Variants in PPP1R27 observed in about 807,000 individuals in gnomAD.
The protein encoded by PPP1R27 is dysferlin interacting protein 1.
In PPP1R27, 10 loss-of-function variants were observed where a neutral mutation model predicts 12.0. The observed-to-expected ratio is 0.84, with a 90% CI of 0.52 to 1.42. The LOEUF (loss-of-function observed/expected upper bound fraction) is 1.42, where lower values mean the gene tolerates loss of function less well. Among genes scored for constraint, PPP1R27 ranks in the 40% most tolerant of loss-of-function variants. The pLI, the probability that PPP1R27 is intolerant of heterozygous loss-of-function variation, is 0.00. For synonymous variants in PPP1R27, 98 were observed against 89.3 expected (o/e 1.10, Z -0.55); for missense variants, 246 against 215.3 (o/e 1.14, Z -0.89).
chr17:81,833,914 C>T, intron 2 of PPP1R27, 62 bp from the exon 3 acceptor site: 1 of 1,558,688 alleles, frequency 6.4e-7, no homozygotes, highest in Non-Finnish European at 8.7e-7. Context: ...TCGCCCCAAC[C>T]CGGGTCAGAG....
Position 81,834,915 on chromosome 17 carries a change from T to C in PPP1R27, c.39A>G (p.Pro13=), listed in dbSNP as rs1052798862. ...SRTARYARYS[P]RQRRRRMLAD... Reference sequence around the variant, plus strand: ...CCAGCATCCGCCGCCGCCGCTGCCGTGGGCTGTAGCGGGCATAGCGGGCAG... The same window carrying C: ...CCAGCATCCGCCGCCGCCGCTGCCGCGGGCTGTAGCGGGCATAGCGGGCAG... Residue 13 remains proline (P), a synonymous_variant, in exon 1 of 3, where the codon CCA becomes CCG. Coordinates refer to ENST00000330261, the MANE Select transcript of PPP1R27 (RefSeq NM_001007533.4). 2.5e-6 allele frequency: 4 copies of C among 1,612,186 alleles called. No individual in the cohort carries two copies. The Admixed American group carries it at 6.7e-5, about 27-fold the overall frequency.
chr17:81,834,547 T>A lies in PPP1R27; in HGVS notation c.297A>T (p.Thr99=). The change falls in exon 2 of 3, where the codon ACA becomes ACT. Residue 99 remains threonine, a synonymous_variant. Coordinates refer to ENST00000330261, the MANE Select transcript of PPP1R27 (RefSeq NM_001007533.4). The part of the protein sequence containing the change: ...DIHQRDEAGW[T]PLHIACSDGY... Reference sequence around the variant, plus strand: ...CATCGCTGCAGGCAATGTGCAGGGGTGTCCAGCCCGCCTCATCTCGCTGGT... The same window carrying A: ...CATCGCTGCAGGCAATGTGCAGGGGAGTCCAGCCCGCCTCATCTCGCTGGT... 6.2e-7 allele frequency: 1 copy of A among 1,614,120 alleles called. No homozygotes were observed. Among genetic ancestry groups the A allele is most frequent in the Non-Finnish European group, 8.5e-7 (1 of 1,180,010 alleles).
chr17:81,834,112 T>A, intron 2 of PPP1R27: 1 of 486,184 alleles, frequency 2.1e-6, no homozygotes, highest in South Asian at 3.3e-5. Context: ...TTTGTTTTTT[T>A]TGTTTTTTGA....
rs368001659 is a variant in PPP1R27, at chr17:81,834,718, C to T, written c.190+46G>A. The T allele has an allele frequency of 8.1e-6, 13 of 1,609,352 alleles. No homozygotes were observed. The East Asian group carries it at 2.5e-4, about 30-fold the overall frequency. On this transcript the variant is annotated intron_variant, in intron 1 of 2. Coordinates refer to ENST00000330261, the MANE Select transcript of PPP1R27 (RefSeq NM_001007533.4). ...GGTCAGGTCCTCCTTGCTGGCCTCTCCCACCACCCCACAGGCCCTGGCCAG... is the reference window on the plus strand; with the variant it reads ...GGTCAGGTCCTCCTTGCTGGCCTCTTCCACCACCCCACAGGCCCTGGCCAG...
rs371774247 is a variant in PPP1R27, at chr17:81,834,431, C to T, written c.341+72G>A. 49 of 1,544,894 alleles carry T rather than the reference C, an allele frequency of 3.2e-5. No homozygotes were observed. The East Asian group carries it at 8.0e-4, about 25-fold the overall frequency. On this transcript the variant is annotated intron_variant, in intron 2 of 2. Transcript: ENST00000330261. The stretch of plus-strand genomic sequence containing the variant: ...ACACCACCCGGGCTACATTTTGGGG[C>T]TCCCATCCTGGGGACCCACTGAGGC...
intron 1 of PPP1R27, 49 bp from the exon 2 acceptor site, chr17:81,834,702 C>G (rs1052989644): frequency 1.9e-5 from 31 of 1,611,302 alleles, no homozygotes; most frequent in Non-Finnish European, 2.6e-5. Flanking sequence ...AGGTCAGGTC[C>G]TCCTTGCTGG....
rs1488370771 is a variant in PPP1R27, at chr17:81,833,653, C to T, written c.*76G>A. ...CCGCCCCTGGCCCACGGGTGGGGCA[C>T]GTGCTGGCCCATGGGCGACGCGCGG... On this transcript the variant is annotated 3_prime_UTR_variant, in exon 3 of 3. Coordinates refer to ENST00000330261, the MANE Select transcript of PPP1R27 (RefSeq NM_001007533.4). 2.6e-5 allele frequency: 38 copies of T among 1,478,118 alleles called. No homozygotes were observed. The highest frequency in any genetic ancestry group is 3.2e-5 in the Non-Finnish European group (36 of 1,109,900). 91.6% of individuals were successfully genotyped at this position (1,478,118 alleles called of 1,614,324 possible). A position where few individuals can be genotyped will look rare whatever the true frequency, so the allele number is the denominator to read the frequency against.
intron 2 of PPP1R27, 183 bp downstream of exon 2, chr17:81,834,320 G>A: frequency 1.6e-6 from 1 of 632,752 alleles, no homozygotes; most frequent in Non-Finnish European, 2.7e-6. Context: ...CTGACCTCAG[G>A]TGATCCGCCC....
chr17:81,833,706 G>A lies in PPP1R27; in HGVS notation c.*23C>T, dbSNP rs1329204655. ...TCTCCAGGGAGGCGGCCCTGGGCGC[G>A]GGGGCGGGCGGGCAAAGCTGGCTCA... On this transcript the variant is annotated 3_prime_UTR_variant, in exon 3 of 3. Coordinates refer to ENST00000330261, the MANE Select transcript of PPP1R27 (RefSeq NM_001007533.4). 1 of 1,543,868 alleles carries A rather than the reference G, an allele frequency of 6.5e-7. No homozygotes were observed. The highest frequency in any genetic ancestry group is 8.7e-7 in the Non-Finnish European group (1 of 1,145,674).
rs1209312165 is a variant in PPP1R27, at chr17:81,834,969, G to T, written c.-16C>A. 1.9e-6 allele frequency: 3 copies of T among 1,582,084 alleles called. No individual in the cohort carries two copies. Among genetic ancestry groups the T allele is most frequent in the Admixed American group, 3.5e-5 (2 of 56,680 alleles). On this transcript the variant is annotated 5_prime_UTR_variant, in exon 1 of 3. Transcript: ENST00000330261. ...TGCTAGGCATCTTGGGCGCTGTGGG[G>T]CAGGTTGCCCCTGGGGACCCTACTG...
chr17:81,833,872 C>G lies in PPP1R27; in HGVS notation c.342-20G>C. 1 of 1,593,204 alleles carries G rather than the reference C, an allele frequency of 6.3e-7. No homozygotes were observed. Among genetic ancestry groups the G allele is most frequent in the Non-Finnish European group, 8.5e-7 (1 of 1,170,496 alleles). On this transcript the variant is annotated intron_variant, in intron 2 of 2. Coordinates refer to ENST00000330261, the MANE Select transcript of PPP1R27 (RefSeq NM_001007533.4). ...AGGTACCTGGGGTGTAAAGGTCGCT[C>G]TGGCTGAAGCGGGGAGGAGCCAGGA...
Position 81,833,782 on chromosome 17 carries a change from C to G in PPP1R27, c.412G>C (p.Asp138His), listed in dbSNP as rs979115197. Residue 138 changes from aspartate to histidine, a missense_variant, in exon 3 of 3, where the codon GAC becomes CAC. By Grantham distance (81) the Asp-to-His change is moderately conservative (BLOSUM62 -1). Transcript: ENST00000330261. ...TCCACCAGCTCCTTGTAGTCCGGGT[C>G]GATGAGGTCGGAGGGCAGGTCGCCA... is the stretch of plus-strand genomic sequence containing the variant. ...DDGDLPSDLI[D>H]PDYKELVELF... 1.3e-6 allele frequency: 2 copies of G among 1,558,448 alleles called. No homozygotes were observed. Among genetic ancestry groups the G allele is most frequent in the African/African-American group, 2.7e-5 (2 of 73,472 alleles).
At chr17:81,834,304 G>A in intron 2 of PPP1R27, 199 bp downstream of exon 2, 1 of 587,678 alleles carries the variant, frequency 1.7e-6, no homozygotes, top group South Asian at 2.3e-5. Flanking sequence ...TTCTTGTCAC[G>A]AACTCCTGAC....
Position 81,834,549 on chromosome 17 carries a change from T to C in PPP1R27, c.295A>G (p.Thr99Ala), listed in dbSNP as rs1307668507. The C allele has an allele frequency of 6.2e-7, 1 of 1,614,168 alleles. No homozygotes were observed. The highest frequency in any genetic ancestry group is 2.2e-5 in the East Asian group (1 of 44,882). Residue 99 changes from threonine (T) to alanine (A), a missense_variant, in exon 2 of 3, where the codon ACA (threonine) becomes GCA (alanine). Coordinates refer to ENST00000330261, the MANE Select transcript of PPP1R27 (RefSeq NM_001007533.4). ...DIHQRDEAGWTPLHIACSDGY... is the reference protein window; with the variant it reads ...DIHQRDEAGWAPLHIACSDGY... ...TCGCTGCAGGCAATGTGCAGGGGTG[T>C]CCAGCCCGCCTCATCTCGCTGGTGA...
Position 81,834,606 on chromosome 17 carries a change from C to A in PPP1R27, c.238G>T (p.Val80Leu). The A allele has an allele frequency of 6.2e-7, 1 of 1,614,238 alleles. No individual in the cohort carries two copies. The highest frequency in any genetic ancestry group is 8.5e-7 in the Non-Finnish European group (1 of 1,180,038). Reference sequence around the variant, plus strand: ...GCCCCGTATTTGACCAGCAGCTTCACGCATTCCAGGTTTCCAGAGAGCACG... The same window carrying A: ...GCCCCGTATTTGACCAGCAGCTTCAAGCATTCCAGGTTTCCAGAGAGCACG... ...EAVLSGNLEC[V>L]KLLVKYGADI... The change falls in exon 2 of 3, where the codon GTG becomes TTG. Residue 80 changes from valine to leucine, a missense_variant. Physicochemically the swap from Val to Leu is conservative, Grantham distance 32. Transcript: ENST00000330261.
At chr17:81,833,958 A>G in intron 2 of PPP1R27, 106 bp from the exon 3 acceptor site, 2 of 1,338,802 alleles carry the variant, frequency 1.5e-6, no homozygotes, top group Non-Finnish European at 2.0e-6. Flanking sequence ...TGTGTCCCCC[A>G]CCTTGGGGTC....
At position 81,834,873 on chromosome 17, in the gene PPP1R27, A is replaced by G; in HGVS notation, c.81T>C (p.Arg27=). ...RRRMLADRSV[R]FPNDVLFLDH... Reference sequence around the variant, plus strand: ...CCAAGAACAGGACATCATTAGGGAAACGCACGCTGCGATCAGCCAGCATCC... The same window carrying G: ...CCAAGAACAGGACATCATTAGGGAAGCGCACGCTGCGATCAGCCAGCATCC... The change falls in exon 1 of 3, where the codon CGT becomes CGC. Residue 27 remains arginine, a synonymous_variant. Coordinates refer to ENST00000330261, the MANE Select transcript of PPP1R27 (RefSeq NM_001007533.4). 1 of 1,613,286 alleles carries G rather than the reference A, an allele frequency of 6.2e-7. No individual in the cohort carries two copies. The highest frequency in any genetic ancestry group is 1.1e-5 in the South Asian group (1 of 91,086).
At position 81,834,632 on chromosome 17, in the gene PPP1R27, G is replaced by A. The variant is rs776479987; in HGVS notation, c.212C>T (p.Ala71Val). The A allele has an allele frequency of 3.7e-6, 6 of 1,614,142 alleles. No homozygotes were observed. The highest frequency in any genetic ancestry group is 1.1e-5 in the South Asian group (1 of 91,088). Residue 71 changes from alanine (A) to valine (V), a missense_variant, in exon 2 of 3, where the codon GCC becomes GTC. Ala to Val is a moderately conservative substitution (Grantham distance 64, BLOSUM62 0). Transcript: ENST00000330261. ...HPSGLAALHE[A>V]VLSGNLECVK... ...GCATTCCAGGTTTCCAGAGAGCACG[G>A]CTTCATGCAAGGCGGCCAGGCCTGG...
Position 81,834,836 on chromosome 17 carries a change from G to C in PPP1R27, c.118C>G (p.Gln40Glu). The stretch of plus-strand genomic sequence containing the variant: ...CGCCCCACCTGCTCCAGGTCACCCT[G>C]CCGGATGTGGTCCAAGAACAGGACA... ...NDVLFLDHIR[Q>E]GDLEQVGRFI... is the part of the protein sequence containing the mutation. The change falls in exon 1 of 3, where the codon CAG becomes GAG. Residue 40 changes from glutamine to glutamate, a missense_variant. Gln to Glu is a conservative substitution (Grantham distance 29). Transcript: ENST00000330261. 1 of 1,613,724 alleles carries C rather than the reference G, an allele frequency of 6.2e-7. No homozygotes were observed. Among genetic ancestry groups the C allele is most frequent in the South Asian group, 1.1e-5 (1 of 91,088 alleles).
Sources: allele counts gnomAD v4.1 joint callset, GRCh38; gene constraint gnomAD v4.1.1; transcripts MANE v1.5; gene names NCBI Gene and HGNC (gene_info 2026-07-23, HGNC 2026-07-21).